Variants in SERINC5 observed in about 807,000 individuals in gnomAD.
SERINC5 encodes the protein chromosome 5 open reading frame 12.
Under a neutral mutation model 63.1 loss-of-function variants are expected in SERINC5, and 41 were observed. That is an observed-to-expected ratio of 0.65 (90% CI 0.51 to 0.84). The LOEUF (loss-of-function observed/expected upper bound fraction) is 0.84, where lower values mean the gene tolerates loss of function less well. Among genes scored for constraint, SERINC5 ranks in the 40% least tolerant of loss-of-function variants. SERINC5 has a pLI of 0.00. For synonymous variants in SERINC5, 222 were observed against 215.2 expected (o/e 1.03, Z -0.28); for missense variants, 523 against 573.0 (o/e 0.91, Z 0.89).
intron 11 of SERINC5, among the ~76,000 whole-genome samples, chr5:80,118,987 G>T (rs1744440256): frequency 6.6e-6 from 1 of 151,956 alleles, no homozygotes; most frequent in Non-Finnish European, 1.5e-5. Flanking sequence ...CCAACATTTG[G>T]TCCACTACTT....
At chr5:80,196,155 C>T (rs772242123) in intron 2 of SERINC5, among the ~76,000 whole-genome samples, 2 of 151,982 alleles carry the variant, frequency 1.3e-5, no homozygotes, top group Non-Finnish European at 2.9e-5. Context: ...AAAGAATCTA[C>T]CAGTGTCCTC....
chr5:80,216,992 C>G (rs1027568462), intron 1 of SERINC5, among the ~76,000 whole-genome samples: 1 of 152,136 alleles, frequency 6.6e-6, no homozygotes, highest in Middle Eastern at 3.4e-3. Context: ...GCCTGGGCAA[C>G]AGAGTGAGAC....
intron 1 of SERINC5, among the ~76,000 whole-genome samples, chr5:80,211,886 G>T (rs1029207792): frequency 6.6e-6 from 1 of 152,140 alleles, no homozygotes; most frequent in Non-Finnish European, 1.5e-5. Context: ...GCAAATAAGT[G>T]CTTAGAACAG....
Position 80,138,758 on chromosome 5 carries a change from T to A in SERINC5, c.*4905A>T, listed in dbSNP as rs930199146. On this transcript the variant is annotated 3_prime_UTR_variant, in exon 12 of 12. Coordinates refer to ENST00000507668, the MANE Select transcript of SERINC5 (RefSeq NM_001174072.3). ...ACCACAGATATATATCTTTTATTTG[T>A]CAATTAAAGGATCAGCATAGACTCC... 9.7e-6 allele frequency: 9 copies of A among 926,996 alleles called. No homozygotes were observed. Among genetic ancestry groups the A allele is most frequent in the Non-Finnish European group, 1.2e-5 (9 of 776,858 alleles). The allele number at this position is 926,996 out of a possible 1,614,324, so 57.4% of individuals were successfully genotyped here. A position where few individuals can be genotyped will look rare whatever the true frequency, so the allele number is the denominator to read the frequency against.
chr5:80,140,773 A>T lies in SERINC5; in HGVS notation c.*2890T>A, dbSNP rs1234982862. ...TGTTTTTACTCATAAAAATGAGGGG[A>T]AAACTTTTCTACATCAGACAAATCA... On this transcript the variant is annotated 3_prime_UTR_variant, in exon 12 of 12. Transcript: ENST00000507668. 2.0e-6 allele frequency: 2 copies of T among 985,172 alleles called. No individual in the cohort carries two copies. Among genetic ancestry groups the T allele is most frequent in the African/African-American group, 3.5e-5 (2 of 57,182 alleles). The allele number at this position is 985,172 out of a possible 1,614,324, so 61.0% of individuals were successfully genotyped here.
chr5:80,213,626 G>C (rs1750534504), intron 1 of SERINC5, among the ~76,000 whole-genome samples: 1 of 152,182 alleles, frequency 6.6e-6, no homozygotes, highest in South Asian at 2.1e-4. Context: ...TGTGTGTACA[G>C]TAAGCATTCA....
Position 80,175,012 on chromosome 5 carries a change from AGAG to A in SERINC5, c.490_492del (p.Leu164del). 6.2e-7 allele frequency: 1 copy of A among 1,602,598 alleles called. No homozygotes were observed. The highest frequency in any genetic ancestry group is 8.5e-7 in the Non-Finnish European group (1 of 1,174,338). On this transcript the variant is annotated inframe_deletion, in exon 5 of 12. Coordinates refer to ENST00000507668, the MANE Select transcript of SERINC5 (RefSeq NM_001174072.3). ...AGCAGGAGGAGCTGGATGCCAATGA[AGAG>A]GAAGCCTCCGACGGCTCCCACATAG...
chr5:80,246,355 C>A (rs1356489078), intron 1 of SERINC5, among the ~76,000 whole-genome samples: 2 of 152,138 alleles, frequency 1.3e-5, no homozygotes, highest in Non-Finnish European at 2.9e-5. Flanking sequence ...TCAAAATGCA[C>A]TTAGCTAGTT....
chr5:80,163,507 CCTT>C (rs1747075473), intron 7 of SERINC5, among the ~76,000 whole-genome samples: 1 of 151,276 alleles, frequency 6.6e-6, no homozygotes, highest in African/African-American at 2.4e-5. Flanking sequence ...AAGTTGTATT[CCTT>C]CTATTATTTT....
In SERINC5 at chr5:80,256,011, G is replaced by C; in HGVS notation, c.-89C>G. Reference sequence around the variant, plus strand: ...CCTCGCGCCTCGAGCGCTGGGCTCAGCCGCAGCTCACACTTGAACGAAGAT... The same window carrying C: ...CCTCGCGCCTCGAGCGCTGGGCTCACCCGCAGCTCACACTTGAACGAAGAT... On this transcript the variant is annotated 5_prime_UTR_variant, in exon 1 of 12. Coordinates refer to ENST00000507668, the MANE Select transcript of SERINC5 (RefSeq NM_001174072.3). The C allele has an allele frequency of 5.4e-6, 7 of 1,305,216 alleles. No individual in the cohort carries two copies. The highest frequency in any genetic ancestry group is 7.1e-6 in the Non-Finnish European group (7 of 989,958). 80.9% of individuals were successfully genotyped at this position (1,305,216 alleles called of 1,614,324 possible).
At chr5:80,206,635 T>G (rs957284356) in intron 1 of SERINC5, among the ~76,000 whole-genome samples, 1 of 152,096 alleles carries the variant, frequency 6.6e-6, no homozygotes, top group Non-Finnish European at 1.5e-5. Context: ...TGGGCCACTT[T>G]CCTTTACAAT....
intron 5 of SERINC5, among the ~76,000 whole-genome samples, chr5:80,171,570 A>G (rs985582796): frequency 2.0e-5 from 3 of 152,222 alleles, no homozygotes; most frequent in Admixed American, 6.5e-5. Context: ...CTGGTGATCA[A>G]CTGTATGGTA....
intron 7 of SERINC5, among the ~76,000 whole-genome samples, chr5:80,164,910 GTTT>G (rs70982026): frequency 1.2e-5 from 1 of 85,180 alleles, no homozygotes; most frequent in Admixed American, 1.7e-4. Context: ...CTTTTTTTCT[GTTT>G]TTTTTTTTTT....
intron 6 of SERINC5, 150 bp downstream of exon 6, chr5:80,169,185 G>A: frequency 1.6e-6 from 1 of 637,646 alleles, no homozygotes; most frequent in South Asian, 2.0e-5. Context: ...AGAGACTGGA[G>A]CCCCACCTTG....
At chr5:80,222,008 G>A (rs1398939449) in intron 1 of SERINC5, among the ~76,000 whole-genome samples, 6 of 152,000 alleles carry the variant, frequency 3.9e-5, no homozygotes, top group East Asian at 1.9e-4. Flanking sequence ...TTAGCTAGGC[G>A]TGGTGGTGCC....
At chr5:80,130,217 T>C (rs1028744715) in intron 11 of SERINC5, among the ~76,000 whole-genome samples, 1 of 151,906 alleles carries the variant, frequency 6.6e-6, no homozygotes, top group Non-Finnish European at 1.5e-5. Context: ...CCAACTCTAC[T>C]AAAAATACAA....
chr5:80,195,853 G>C (rs967015901), intron 2 of SERINC5, among the ~76,000 whole-genome samples: 3 of 152,140 alleles, frequency 2.0e-5, no homozygotes, highest in African/African-American at 7.2e-5. Context: ...ACTACACTGT[G>C]GTGACCCCAG....
At chr5:80,230,631 C>T (rs759511363) in intron 1 of SERINC5, among the ~76,000 whole-genome samples, 3 of 152,136 alleles carry the variant, frequency 2.0e-5, no homozygotes, top group Non-Finnish European at 2.9e-5. Flanking sequence ...GTGACACCAG[C>T]ACAATCTCTC....
intron 2 of SERINC5, among the ~76,000 whole-genome samples, chr5:80,196,217 T>C (rs1223648154): frequency 6.6e-6 from 1 of 151,844 alleles, no homozygotes; most frequent in Non-Finnish European, 1.5e-5. Context: ...CATATGGGGA[T>C]GATCAAAGCC....
Sources: allele counts gnomAD v4.1 joint callset (sites outside exome capture counted in the v4.1 genomes callset), GRCh38; gene constraint gnomAD v4.1.1; transcripts MANE v1.5; gene names NCBI Gene and HGNC (gene_info 2026-07-23, HGNC 2026-07-21).